GRIK4: variants seen among roughly 807,000 people sequenced by gnomAD.
GRIK4 encodes the protein glutamate receptor ionotropic, kainate 4.
Under a neutral mutation model 104.9 loss-of-function variants are expected in GRIK4, and 40 were observed. The observed-to-expected ratio is 0.38, with a 90% confidence interval of 0.30 to 0.50. GRIK4 has a LOEUF of 0.50. Ranked by LOEUF, GRIK4 falls within the 20% of genes least tolerant of loss-of-function variation. The pLI, the probability that GRIK4 is intolerant of heterozygous loss-of-function variation, is 0.93. For missense variants in GRIK4, 1,047 were observed against 1,308.1 expected, an observed-to-expected ratio of 0.80 and a Z score of 3.08; for synonymous variants, 485 against 524.9, an observed-to-expected ratio of 0.92 and a Z score of 1.04.
At chr11:120,916,669 A>G (rs974206707) in intron 13 of GRIK4, among the ~76,000 whole-genome samples, 2 of 152,232 alleles carry the variant, frequency 1.3e-5, no homozygotes, top group Admixed American at 1.3e-4. Context: ...GTCGTAGTCA[A>G]AAACAGTCAA....
At chr11:120,898,455 G>A in intron 11 of GRIK4, 77 bp from the exon 12 acceptor site, 1 of 806,918 alleles carries the variant, frequency 1.2e-6, no homozygotes, top group Non-Finnish European at 2.2e-6. Flanking sequence ...CCAGCCAGAG[G>A]CAGAGGTCAG....
chr11:120,596,142 G>T (rs1202456336), intron 1 of GRIK4, among the ~76,000 whole-genome samples: 2 of 152,192 alleles, frequency 1.3e-5, no homozygotes, highest in African/African-American at 4.8e-5. Flanking sequence ...CACTGTGCCC[G>T]ACCGGGATGG....
intron 14 of GRIK4, among the ~76,000 whole-genome samples, chr11:120,946,317 G>C (rs1042702513): frequency 3.3e-5 from 5 of 152,096 alleles, no homozygotes; most frequent in Non-Finnish European, 5.9e-5. Context: ...AGCCAAACTG[G>C]GATTAAGTGT....
rs560951095 is a variant in GRIK4, at chr11:120,678,630, T to G, written c.82+18230T>G. ...GGCTCCACTAGAAGGGTTTTTTTTTTTTTGTTTTAGTTTTTGTTTTTGAGA... is the reference window on the plus strand; with the variant it reads ...GGCTCCACTAGAAGGGTTTTTTTTTGTTTGTTTTAGTTTTTGTTTTTGAGA... On this transcript the variant is annotated intron_variant, in intron 3 of 20. Coordinates refer to ENST00000527524, the MANE Select transcript of GRIK4 (RefSeq NM_014619.5). Among the ~76,000 whole-genome samples the G allele has an allele frequency of 3.4e-3, 517 of 151,874 alleles. 8 individuals are homozygous for G. In the East Asian group the frequency reaches 0.048, roughly 14 times the overall value.
chr11:120,739,904 A>G (rs1178379064), intron 3 of GRIK4, among the ~76,000 whole-genome samples: 1 of 152,224 alleles, frequency 6.6e-6, no homozygotes, highest in East Asian at 1.9e-4. Flanking sequence ...GTCCACTAAC[A>G]AGATCACACA....
rs549174879 is a variant in GRIK4, at chr11:120,746,488, C to T, written c.83-56205C>T. 1.7e-4 allele frequency among the ~76,000 whole-genome samples: 26 copies of T among 152,252 alleles called. No individual in the cohort carries two copies. The South Asian group carries it at 5.2e-3, about 30-fold the overall frequency. On this transcript the variant is annotated intron_variant, in intron 3 of 20. Transcript: ENST00000527524. ...AGATGAGAAGAGCAAACTGCTCCTT[C>T]CTCCAGCCCCCTTTTCTGTCCTAGC... is the stretch of plus-strand genomic sequence containing the variant.
intron 3 of GRIK4, among the ~76,000 whole-genome samples, chr11:120,733,772 C>T (rs1951179614): frequency 6.9e-6 from 1 of 145,610 alleles, no homozygotes; most frequent in South Asian, 2.2e-4. Context: ...GAGTCTTGCT[C>T]TGTCACCCAG....
intron 11 of GRIK4, among the ~76,000 whole-genome samples, 189 bp from the exon 12 acceptor site, chr11:120,898,343 C>A (rs996798789): frequency 6.6e-6 from 1 of 151,700 alleles, no homozygotes; most frequent in Non-Finnish European, 1.5e-5. Context: ...CTGACTGTTA[C>A]AGCCCCCGTT....
At chr11:120,543,787 A>C (rs563353680) in intron 1 of GRIK4, among the ~76,000 whole-genome samples, 3 of 152,234 alleles carry the variant, frequency 2.0e-5, no homozygotes, top group African/African-American at 7.2e-5. Flanking sequence ...CCACACATAC[A>C]GTGAATATTA....
intron 14 of GRIK4, among the ~76,000 whole-genome samples, chr11:120,941,542 G>A (rs1303170707): frequency 6.6e-6 from 1 of 152,174 alleles, no homozygotes; most frequent in Non-Finnish European, 1.5e-5. Context: ...ACCTGTGAAT[G>A]TGACCTCATT....
intron 13 of GRIK4, among the ~76,000 whole-genome samples, chr11:120,920,562 G>T (rs550302453): frequency 1.3e-5 from 2 of 152,180 alleles, no homozygotes; most frequent in African/African-American, 4.8e-5. Flanking sequence ...CTGGGGAGAG[G>T]CCCAGCAGCC....
intron 3 of GRIK4, among the ~76,000 whole-genome samples, chr11:120,718,353 A>G (rs1293746941): frequency 6.6e-6 from 1 of 152,212 alleles, no homozygotes; most frequent in Non-Finnish European, 1.5e-5. Context: ...TCTCTGAGTC[A>G]TGGAGGCATC....
At chr11:120,850,813 T>G (rs1953956536) in intron 8 of GRIK4, among the ~76,000 whole-genome samples, 1 of 148,558 alleles carries the variant, frequency 6.7e-6, no homozygotes, top group Non-Finnish European at 1.5e-5. Flanking sequence ...ATTATTATTA[T>G]TATTATTATT....
chr11:120,549,304 C>T lies in GRIK4; in HGVS notation c.-159+37417C>T, dbSNP rs1472108936. On this transcript the variant is annotated intron_variant, in intron 1 of 20. Coordinates refer to ENST00000527524, the MANE Select transcript of GRIK4 (RefSeq NM_014619.5). The surrounding 1 kb of genome is among the most constrained non-coding windows in gnomAD (Gnocchi z 4.7). ...TTTTTTTTAAGTAAAGTCGGGCTTT[C>T]ACCATGTTGGCCAGGCTGGTCTCAA... is the stretch of plus-strand genomic sequence containing the variant. 2.6e-5 allele frequency among the ~76,000 whole-genome samples: 4 copies of T among 152,122 alleles called. No homozygotes were observed. The highest frequency in any genetic ancestry group is 9.7e-5 in the African/African-American group (4 of 41,412).
chr11:120,563,185 G>C (rs1480073392), intron 1 of GRIK4, among the ~76,000 whole-genome samples: 1 of 152,216 alleles, frequency 6.6e-6, no homozygotes, highest in Non-Finnish European at 1.5e-5. Flanking sequence ...GCAGTGTCTA[G>C]TATCAGCCTC....
intron 3 of GRIK4, among the ~76,000 whole-genome samples, chr11:120,748,703 C>A (rs1951492006): frequency 6.6e-6 from 1 of 152,226 alleles, no homozygotes; most frequent in African/African-American, 2.4e-5. Context: ...CAGTGGCACT[C>A]AGCACCCAAT....
At chr11:120,752,711 G>A (rs1245611255) in intron 3 of GRIK4, among the ~76,000 whole-genome samples, 1 of 152,200 alleles carries the variant, frequency 6.6e-6, no homozygotes, top group East Asian at 1.9e-4. Context: ...AGGTCAGGGT[G>A]GGGACCCAGT....
intron 7 of GRIK4, among the ~76,000 whole-genome samples, chr11:120,833,004 T>C (rs1953470725): frequency 6.6e-6 from 1 of 152,112 alleles, no homozygotes; most frequent in African/African-American, 2.4e-5. Flanking sequence ...CGTCTTCCAC[T>C]GGGGGAGCGA....
intron 3 of GRIK4, among the ~76,000 whole-genome samples, chr11:120,749,196 C>G (rs1047575435): frequency 6.6e-6 from 1 of 152,000 alleles, no homozygotes; most frequent in Non-Finnish European, 1.5e-5. Context: ...TTCCCCCCAC[C>G]CCATCCCACT....
Sources: allele counts gnomAD v4.1 joint callset (sites outside exome capture counted in the v4.1 genomes callset), GRCh38; gene constraint gnomAD v4.1.1; non-coding constraint Gnocchi (gnomAD v3.1); transcripts MANE v1.5; gene names NCBI Gene and HGNC (gene_info 2026-07-23, HGNC 2026-07-21).